RETREG2: variants seen among roughly 807,000 people sequenced by gnomAD.
RETREG2 encodes reticulophagy regulator family member 2, also known as reticulophagy regulator 2.
In RETREG2, 21 loss-of-function variants were observed where a neutral mutation model predicts 51.6. That is an observed-to-expected ratio of 0.41 (90% confidence interval 0.29 to 0.59). The LOEUF (loss-of-function observed/expected upper bound fraction) is 0.59. Among genes scored for constraint, RETREG2 ranks in the 20% least tolerant of loss-of-function variants. The pLI is 0.34. For synonymous variants in RETREG2, 339 were observed against 288.6 expected (o/e 1.17, Z -1.77); for missense variants, 674 against 646.0 (o/e 1.04, Z -0.47).
Position 219,183,546 on chromosome 2 carries a change from C to G in RETREG2, c.*917C>G, listed in dbSNP as rs530299425. On this transcript the variant is annotated 3_prime_UTR_variant, in exon 9 of 9. Transcript: ENST00000430297. ...TCCACACCCTGCACTGCACTGTGTT[C>G]TCTCCTCACCCTTAACCTGCTTCAC... 1 of 152,330 alleles carries G rather than the reference C, an allele frequency of 6.6e-6. No homozygotes were observed. Among genetic ancestry groups the G allele is most frequent in the African/African-American group, 2.4e-5 (1 of 41,444 alleles). The allele number at this position is 152,330 out of a possible 1,614,324, so 9.4% of individuals were successfully genotyped here.
chr2:219,179,889 T>A, intron 3 of RETREG2, 126 bp downstream of exon 3: 1 of 1,250,480 alleles, frequency 8.0e-7, no homozygotes, highest in South Asian at 1.2e-5. Context: ...CATGGGTTTT[T>A]CATGGTCCTA....
At position 219,184,826 on chromosome 2, in the gene RETREG2, T is replaced by TTTTTTTG. The variant is rs1950329021; in HGVS notation, c.*2203_*2204insGTTTTTT. ...GTTTTGGTTTTTTGTTTTTTGTGGGTTTTTTTTTTTTTTTTTTTGAGACGG... is the reference window on the plus strand; with the variant it reads ...GTTTTGGTTTTTTGTTTTTTGTGGGTTTTTTTGTTTTTTTTTTTTTTTTTTGAGACGG... On this transcript the variant is annotated 3_prime_UTR_variant, in exon 9 of 9. Transcript: ENST00000430297. 1 of 48,984 alleles carries TTTTTTTG rather than the reference T, an allele frequency of 2.0e-5. No homozygotes were observed. The highest frequency in any genetic ancestry group is 3.1e-5 in the Non-Finnish European group (1 of 32,132). 3.0% of individuals were successfully genotyped at this position (48,984 alleles called of 1,614,324 possible).
In RETREG2 at chr2:219,181,478, A is replaced by T; in HGVS notation, c.879+15A>T. ...TCTCCCCAGTGGTGAGGTCCAGGGA[A>T]AGCGGGGGTGTCAAATAGAAAGCCA... On this transcript the variant is annotated intron_variant, in intron 7 of 8. Transcript: ENST00000430297. The T allele has an allele frequency of 6.2e-7, 1 of 1,613,380 alleles. No homozygotes were observed. Among genetic ancestry groups the T allele is most frequent in the Non-Finnish European group, 8.5e-7 (1 of 1,179,402 alleles).
Position 219,183,248 on chromosome 2 carries a change from T to C in RETREG2, c.*619T>C, listed in dbSNP as rs564453544. 3.2e-5 allele frequency: 5 copies of C among 154,956 alleles called. No homozygotes were observed. The highest frequency in any genetic ancestry group is 9.6e-5 in the African/African-American group (4 of 41,586). 9.6% of individuals were successfully genotyped at this position (154,956 alleles called of 1,614,324 possible). On this transcript the variant is annotated 3_prime_UTR_variant, in exon 9 of 9. Coordinates refer to ENST00000430297, the MANE Select transcript of RETREG2 (RefSeq NM_024293.6). ...TACACTCTTAGGTCACTGTAGTCTG[T>C]GTAACCTTCACTGCATCCTTGCCCC...
rs1039370942 is a variant in RETREG2, at chr2:219,184,622, A to G, written c.*1993A>G. On this transcript the variant is annotated 3_prime_UTR_variant, in exon 9 of 9. Transcript: ENST00000430297. ...GGGGAATGGAAAAACAGTTCTAATC[A>G]ATAAGCAAGCAATTCAAGAAAAATA... The G allele has an allele frequency of 6.6e-6, 1 of 152,170 alleles. No homozygotes were observed. The highest frequency in any genetic ancestry group is 1.9e-4 in the East Asian group (1 of 5,196). The allele number at this position is 152,170 out of a possible 1,614,324, so 9.4% of individuals were successfully genotyped here.
At position 219,182,271 on chromosome 2, in the gene RETREG2, C is replaced by T. The variant is rs760981612; in HGVS notation, c.1274C>T (p.Ser425Phe). 8.1e-6 allele frequency: 13 copies of T among 1,614,122 alleles called. No homozygotes were observed. In the East Asian group the frequency reaches 1.3e-4, roughly 17 times the overall value. Residue 425 changes from serine (S) to phenylalanine (F), a missense_variant, in exon 9 of 9, where the codon TCC becomes TTC. Coordinates refer to ENST00000430297, the MANE Select transcript of RETREG2 (RefSeq NM_024293.6). ...AGSPPDGVKCSPGGPVETLSP... is the reference protein window; with the variant it reads ...AGSPPDGVKCFPGGPVETLSP... Reference sequence around the variant, plus strand: ...TCCCCCCCAGATGGAGTGAAATGCTCCCCTGGAGGACCAGTGGAGACACTG... The same window carrying T: ...TCCCCCCCAGATGGAGTGAAATGCTTCCCTGGAGGACCAGTGGAGACACTG...
intron 3 of RETREG2, 97 bp from the exon 4 acceptor site, chr2:219,180,013 T>C (rs1950254415): frequency 1.3e-6 from 2 of 1,527,752 alleles, no homozygotes; most frequent in African/African-American, 1.4e-5. Flanking sequence ...GTCATTTGCT[T>C]TTTTAGACTA....
At position 219,182,497 on chromosome 2, in the gene RETREG2, G is replaced by C; in HGVS notation, c.1500G>C (p.Leu500=). The change falls in exon 9 of 9, where the codon CTG becomes CTC. Residue 500 remains leucine, a synonymous_variant. Coordinates refer to ENST00000430297, the MANE Select transcript of RETREG2 (RefSeq NM_024293.6). ...EDFELLDQGE[L]EQLNAELGLE... ...TTGAGTTGCTGGATCAGGGGGAGCTGGAGCAGCTGAATGCAGAGCTGGGCT... is the reference window on the plus strand; with the variant it reads ...TTGAGTTGCTGGATCAGGGGGAGCTCGAGCAGCTGAATGCAGAGCTGGGCT... 2 of 1,614,118 alleles carry C rather than the reference G, an allele frequency of 1.2e-6. No homozygotes were observed. Among genetic ancestry groups the C allele is most frequent in the Non-Finnish European group, 1.7e-6 (2 of 1,180,012 alleles).
In RETREG2 at chr2:219,180,188, C is replaced by G. The variant is rs1950258157; in HGVS notation, c.498C>G (p.Leu166=). The G allele has an allele frequency of 1.2e-6, 2 of 1,614,178 alleles. No homozygotes were observed. Among genetic ancestry groups the G allele is most frequent in the Non-Finnish European group, 1.7e-6 (2 of 1,180,032 alleles). Reference sequence around the variant, plus strand: ...GCAGATACCTGGCTGAGAGCTGGCTCACCTTCCAGATTCACCTGCAGGAGC... The same window carrying G: ...GCAGATACCTGGCTGAGAGCTGGCTGACCTTCCAGATTCACCTGCAGGAGC... ...ELCRYLAESW[L]TFQIHLQELL... is the part of the protein sequence containing the mutation. Residue 166 remains leucine (L), a synonymous_variant, in exon 4 of 9, where the codon CTC becomes CTG. Transcript: ENST00000430297.
intron 3 of RETREG2, 144 bp downstream of exon 3, chr2:219,179,907 G>A (rs1950252633): frequency 6.0e-6 from 7 of 1,170,492 alleles, no homozygotes; most frequent in South Asian, 1.3e-5. Context: ...CTAGGCTCCT[G>A]TGTAGGTGTT....
chr2:219,179,663 A>AT, intron 2 of RETREG2, 70 bp from the exon 3 acceptor site: 1 of 1,469,516 alleles, frequency 6.8e-7, no homozygotes, highest in Non-Finnish European at 9.5e-7. Context: ...AGGGACAACT[A>AT]TTTCTGCCTT....
rs142554556 is a variant in RETREG2, at chr2:219,181,840, T to TA, written c.1015+66dup. The TA allele has an allele frequency of 2.6e-3, 4,071 of 1,591,682 alleles. 72 individuals are homozygous for TA. In the African/African-American group the frequency reaches 0.043, roughly 17 times the overall value. ...CTTTGTGTTCCCTACCATGGGTACT[T>TA]ACTGTGCTCTCTGGCCCACTCACTC... On this transcript the variant is annotated intron_variant, in intron 8 of 8. Coordinates refer to ENST00000430297, the MANE Select transcript of RETREG2 (RefSeq NM_024293.6).
rs772428043 is a variant in RETREG2, at chr2:219,180,098, A to T, written c.420-12A>T. On this transcript the variant is annotated splice_polypyrimidine_tract_variant and intron_variant, in intron 3 of 8. Transcript: ENST00000430297. The stretch of plus-strand genomic sequence containing the variant: ...ATCTGAGGCCTCCAGGGGTCATGTC[A>T]TGTCTCCCCAGTGAGGGTGCGGGGT... 6.2e-6 allele frequency: 10 copies of T among 1,613,714 alleles called. No individual in the cohort carries two copies. The highest frequency in any genetic ancestry group is 7.6e-6 in the Non-Finnish European group (9 of 1,179,940).
Position 219,178,549 on chromosome 2 carries a change from T to C in RETREG2, c.197T>C (p.Val66Ala), listed in dbSNP as rs1376579987. 2 of 1,445,990 alleles carry C rather than the reference T, an allele frequency of 1.4e-6. No homozygotes were observed. The highest frequency in any genetic ancestry group is 3.0e-5 in the African/African-American group (2 of 66,756). The allele number at this position is 1,445,990 out of a possible 1,614,324, so 89.6% of individuals were successfully genotyped here. A position where few individuals can be genotyped will look rare whatever the true frequency, so the allele number is the denominator to read the frequency against. ...LWLRLRGWEA[V>A]LAAAQRLLVW... is the part of the protein sequence containing the mutation. ...CTGCGGCTCCGCGGCTGGGAGGCGG[T>C]GCTGGCGGCGGCGCAGCGGTTGCTG... is the stretch of plus-strand genomic sequence containing the variant. Residue 66 changes from valine to alanine, a missense_variant, in exon 1 of 9, where the codon GTG (valine) becomes GCG (alanine). Transcript: ENST00000430297.
At position 219,178,599 on chromosome 2, in the gene RETREG2, C is replaced by G. The variant is rs1950223063; in HGVS notation, c.247C>G (p.Leu83Val). 2.7e-6 allele frequency: 4 copies of G among 1,468,620 alleles called. No individual in the cohort carries two copies. Among genetic ancestry groups the G allele is most frequent in the Non-Finnish European group, 3.6e-6 (4 of 1,118,914 alleles). The allele number at this position is 1,468,620 out of a possible 1,614,324, so 91.0% of individuals were successfully genotyped here. Residue 83 changes from leucine (L) to valine (V), a missense_variant, in exon 1 of 9, where the codon CTG (leucine) becomes GTG (valine). Coordinates refer to ENST00000430297, the MANE Select transcript of RETREG2 (RefSeq NM_024293.6). The part of the protein sequence containing the change: ...LLVWEKPLHS[L>V]VTAAALNGLF... ...GGTGTGGGAGAAGCCGCTGCACAGC[C>G]TGGTCACGGCGGCCGCGCTCAACGG...
chr2:219,181,354 C>G lies in RETREG2; in HGVS notation c.785-15C>G. 1 of 1,612,822 alleles carries G rather than the reference C, an allele frequency of 6.2e-7. No homozygotes were observed. The highest frequency in any genetic ancestry group is 8.5e-7 in the Non-Finnish European group (1 of 1,178,906). On this transcript the variant is annotated splice_polypyrimidine_tract_variant and intron_variant, in intron 6 of 8. Transcript: ENST00000430297. ...TTCATGCTTGGTCATTGCTCTACTA[C>G]TCTTGCTTTTCTAGAGCGTCAGGGG...
At chr2:219,180,999 G>A (rs1000345599) in intron 5 of RETREG2, 63 bp from the exon 6 acceptor site, 3 of 1,601,336 alleles carry the variant, frequency 1.9e-6, no homozygotes, top group Non-Finnish European at 1.7e-6. Flanking sequence ...TTAGGGACCA[G>A]TTGAATGGGG....
intron 5 of RETREG2, 81 bp from the exon 6 acceptor site, chr2:219,180,981 A>G (rs1950270172): frequency 1.3e-6 from 2 of 1,576,202 alleles, no homozygotes; most frequent in Non-Finnish European, 1.7e-6. Flanking sequence ...TACCTTCAGC[A>G]CTTCAGTTTA....
Position 219,182,529 on chromosome 2 carries a change from CAG to C in RETREG2, c.1536_1537del (p.Glu512AspfsTer7). On this transcript the variant is annotated frameshift_variant, in exon 9 of 9. Coordinates refer to ENST00000430297, the MANE Select transcript of RETREG2 (RefSeq NM_024293.6). LOFTEE classifies it high-confidence loss of function. ...CTGAATGCAGAGCTGGGCTTGGAGC[CAG>C]AGACACCGCCAAAACCCCCTGATGC... 1 of 1,614,122 alleles carries C rather than the reference CAG, an allele frequency of 6.2e-7. No homozygotes were observed. Among genetic ancestry groups the C allele is most frequent in the Non-Finnish European group, 8.5e-7 (1 of 1,180,022 alleles).
Sources: allele counts gnomAD v4.1 joint callset, GRCh38; gene constraint gnomAD v4.1.1; transcripts MANE v1.5; gene names NCBI Gene and HGNC (gene_info 2026-07-23, HGNC 2026-07-21).